The following METTL15 variants were observed in gnomAD, a reference collection of about 807,000 sequenced individuals.
METTL15 encodes the protein 12S rRNA N(4)-cytidine methyltransferase METTL15.
METTL15 carries 34 observed loss-of-function variants against 38.3 expected under a neutral mutation model. The ratio of observed to expected loss-of-function variants is 0.89; its 90% CI spans 0.68 to 1.18. METTL15 has a LOEUF of 1.18. METTL15 is among the 50% of genes most tolerant of loss of function. METTL15 has a pLI of 0.00. For missense variants in METTL15, 438 were observed against 498.4 expected, an observed-to-expected ratio of 0.88 and a Z score of 1.15; for synonymous variants, 162 against 170.9, an observed-to-expected ratio of 0.95 and a Z score of 0.41.
intron 4 of METTL15, among the ~76,000 whole-genome samples, chr11:28,232,841 A>G (rs1261980520): frequency 6.6e-6 from 1 of 152,006 alleles, no homozygotes; most frequent in Non-Finnish European, 1.5e-5. Context: ...CTCCCATGTT[A>G]TAGGCATCCC....
downstream of METTL15, among the ~76,000 whole-genome samples, chr11:28,529,675 T>C (rs970807396): frequency 6.6e-6 from 1 of 151,684 alleles, no homozygotes; most frequent in Non-Finnish European, 1.5e-5. Flanking sequence ...TTTGTATTGC[T>C]CTGTTTGGCG....
intron 3 of METTL15, among the ~76,000 whole-genome samples, chr11:28,199,772 C>T (rs1404486191): frequency 1.3e-5 from 2 of 149,060 alleles, no homozygotes; most frequent in Admixed American, 6.7e-5. Context: ...GATGGAGTCT[C>T]GCTCTTGTCA....
chr11:28,343,227 A>C (rs1015760959), intron 3 of METTL15, among the ~76,000 whole-genome samples: 2 of 152,146 alleles, frequency 1.3e-5, no homozygotes, highest in Non-Finnish European at 2.9e-5. Context: ...AAAAAAAAAA[A>C]AAACTTATAG....
intron 4 of METTL15, among the ~76,000 whole-genome samples, chr11:28,226,850 C>T (rs1473097260): frequency 3.3e-5 from 5 of 151,838 alleles, no homozygotes; most frequent in Admixed American, 6.6e-5. Flanking sequence ...ACTAATCTTA[C>T]TAACCATGGG....
intron 6 of METTL15, among the ~76,000 whole-genome samples, chr11:28,465,641 T>A (rs753035290): frequency 2.6e-5 from 4 of 152,204 alleles, no homozygotes; most frequent in Non-Finnish European, 5.9e-5. Context: ...AGCAGGTGTT[T>A]TGCCTGTATC....
At chr11:28,465,095 G>A (rs548078871) in intron 6 of METTL15, among the ~76,000 whole-genome samples, 30 of 152,268 alleles carry the variant, frequency 2.0e-4, no homozygotes, top group African/African-American at 7.2e-4. Context: ...CAAGGAACTT[G>A]TGCTTGCCAA....
At chr11:28,252,639 A>G (rs1444914925) in intron 4 of METTL15, among the ~76,000 whole-genome samples, 1 of 151,916 alleles carries the variant, frequency 6.6e-6, no homozygotes, top group Non-Finnish European at 1.5e-5. Flanking sequence ...TGCTTCTAGA[A>G]TTTTTCCCTG....
intron 5 of METTL15, among the ~76,000 whole-genome samples, chr11:28,396,838 C>G (rs889441382): frequency 7.2e-5 from 11 of 152,302 alleles, no homozygotes; most frequent in African/African-American, 2.2e-4. Context: ...TGACTTCAAA[C>G]TATACTACAA....
At chr11:28,399,361 A>G (rs1295300829) in intron 5 of METTL15, among the ~76,000 whole-genome samples, 4 of 151,922 alleles carry the variant, frequency 2.6e-5, no homozygotes, top group African/African-American at 9.7e-5. Context: ...ATTATTTTTC[A>G]TGCATCAAGA....
intron 4 of METTL15, among the ~76,000 whole-genome samples, chr11:28,231,126 A>T (rs1853666973): frequency 6.6e-6 from 1 of 151,910 alleles, no homozygotes; most frequent in Non-Finnish European, 1.5e-5. Context: ...TGGGGCAGAT[A>T]TTAAATCATA....
At chr11:28,267,648 C>A (rs1469142311) in intron 4 of METTL15, among the ~76,000 whole-genome samples, 1 of 152,128 alleles carries the variant, frequency 6.6e-6, no homozygotes, top group Non-Finnish European at 1.5e-5. Flanking sequence ...AAGTTCTGTT[C>A]CACAGACTTC....
chr11:28,236,327 G>C (rs1354246605), intron 4 of METTL15, among the ~76,000 whole-genome samples: 1 of 152,148 alleles, frequency 6.6e-6, no homozygotes. Flanking sequence ...CTCATAAAAT[G>C]AGTTAGGGAG....
At chr11:28,197,438 C>T in intron 3 of METTL15, 1 of 337,214 alleles carries the variant, frequency 3.0e-6, no homozygotes, top group Non-Finnish European at 6.3e-6. Context: ...CTACTTTTTT[C>T]AGATTTTGTT....
chr11:28,319,901 G>T (rs1849400924), intron 6 of METTL15, among the ~76,000 whole-genome samples: 1 of 152,180 alleles, frequency 6.6e-6, no homozygotes, highest in African/African-American at 2.4e-5. Context: ...GTGTTTGGTT[G>T]TGGACTGAAG....
chr11:28,322,008 A>G (rs1849488643), intron 6 of METTL15, among the ~76,000 whole-genome samples: 2 of 152,070 alleles, frequency 1.3e-5, no homozygotes, highest in African/African-American at 4.8e-5. Flanking sequence ...AAAAAAAATT[A>G]GATTTGAACC....
chr11:28,397,334 T>C (rs1179961747), intron 5 of METTL15, among the ~76,000 whole-genome samples: 4 of 152,098 alleles, frequency 2.6e-5, no homozygotes, highest in Middle Eastern at 3.4e-3. Flanking sequence ...ATTTTTGCAA[T>C]CTACTCATCT....
At chr11:28,386,213 T>A (rs569768343) in intron 5 of METTL15, among the ~76,000 whole-genome samples, 12 of 151,826 alleles carry the variant, frequency 7.9e-5, no homozygotes, top group Non-Finnish European at 1.8e-4. Flanking sequence ...AATAACAAGT[T>A]ATAAAAAAAA....
At chr11:28,376,239 G>A (rs1185176078) in intron 5 of METTL15, among the ~76,000 whole-genome samples, 16 of 152,158 alleles carry the variant, frequency 1.1e-4, no homozygotes, top group East Asian at 3.9e-4. Context: ...TTTCTGTCTC[G>A]TTGGTCTGTC....
intron 3 of METTL15, among the ~76,000 whole-genome samples, chr11:28,178,301 A>T (rs1851152538): frequency 2.0e-5 from 3 of 151,946 alleles, no homozygotes; most frequent in African/African-American, 7.2e-5. Context: ...TGTTTACTGG[A>T]GAATACTCTG....
Sources: gnomAD v4.1 joint callset for allele counts (sites outside exome capture counted in the v4.1 genomes callset) on GRCh38, gnomAD v4.1.1 for gene constraint, MANE v1.5 for transcripts, NCBI Gene and HGNC (gene_info 2026-07-23, HGNC 2026-07-21) for gene names.